Variants in TNFRSF1B observed in about 807,000 individuals in gnomAD.
TNFRSF1B encodes tumor necrosis factor receptor superfamily member 1B.
A neutral mutation model predicts 44.6 loss-of-function variants in TNFRSF1B; 19 were observed. The ratio of observed to expected loss-of-function variants is 0.43; its 90% CI spans 0.30 to 0.62. The LOEUF (loss-of-function observed/expected upper bound fraction) is 0.62, where lower values mean the gene tolerates loss of function less well. TNFRSF1B is among the 20% of genes least tolerant of loss of function. The pLI is 0.16. For synonymous variants in TNFRSF1B, 252 were observed against 261.1 expected (o/e 0.97, Z 0.34); for missense variants, 541 against 619.9 (o/e 0.87, Z 1.35).
chr1:12,206,166 T>C (rs1436892681), intron 9 of TNFRSF1B, among the ~76,000 whole-genome samples: 1 of 152,018 alleles, frequency 6.6e-6, no homozygotes, highest in Non-Finnish European at 1.5e-5. Context: ...GGTAGGCAGA[T>C]TCTTTGAGGT....
rs1257866582 is a variant in TNFRSF1B at position 12,168,175 on chromosome 1, CG to C, written c.78+1010del. On this transcript the variant is annotated intron_variant, in intron 1 of 9. Coordinates refer to ENST00000376259, the MANE Select transcript of TNFRSF1B (RefSeq NM_001066.3). This position sits in a 1 kb window ranked among gnomAD's most constrained non-coding sequence, Gnocchi z 4.7. ...CTTCGGCCCCTGTGCCCTGAGGCTG[CG>C]GGGAAGGTGGGCGTTCATCCTTCCT... Among the ~76,000 whole-genome samples, 1 of 152,224 alleles carries C rather than the reference CG, an allele frequency of 6.6e-6. No homozygotes were observed. The highest frequency in any genetic ancestry group is 2.4e-5 in the African/African-American group (1 of 41,460).
rs17883608 is a variant in TNFRSF1B, at chr1:12,193,735, G to A, written c.788-220G>A. Among the ~76,000 whole-genome samples the A allele has an allele frequency of 3.0e-3, 454 of 152,292 alleles. 1 individual carries two copies. The highest frequency in any genetic ancestry group is 6.8e-3 in the Middle Eastern group (2 of 294). On this transcript the variant is annotated intron_variant, in intron 6 of 9. Transcript: ENST00000376259. ...CACCTCCAGGGGCTTCCATTCTGGG[G>A]TAGAACTGCATCAGGCCAGAGGTCT...
intron 1 of TNFRSF1B, among the ~76,000 whole-genome samples, chr1:12,179,848 G>A (rs187025422): frequency 2.6e-3 from 392 of 152,292 alleles, no homozygotes; most frequent in Non-Finnish European, 4.4e-3. Context: ...ACCTCATTGC[G>A]TTAGTGCTAG....
At chr1:12,185,773 C>T (rs1330845967) in intron 1 of TNFRSF1B, among the ~76,000 whole-genome samples, 5 of 152,290 alleles carry the variant, frequency 3.3e-5, no homozygotes, top group Middle Eastern at 3.4e-3. Flanking sequence ...TAACCCAGCC[C>T]GTGGTTGAGA....
chr1:12,167,319 A>C lies in TNFRSF1B; in HGVS notation c.78+150A>C, dbSNP rs5745953. ...CCAGTCGCCGCCCCCCATCCGCATC[A>C]GACACGCGCGCCTCTGGGGACCCGC... On this transcript the variant is annotated intron_variant, in intron 1 of 9. Coordinates refer to ENST00000376259, the MANE Select transcript of TNFRSF1B (RefSeq NM_001066.3). 1.3e-3 allele frequency: 710 copies of C among 554,904 alleles called. 9 individuals carry two copies. In the African/African-American group the frequency reaches 0.013, roughly 10 times the overall value. The allele number at this position is 554,904 out of a possible 1,614,324, so 34.4% of individuals were successfully genotyped here.
At chr1:12,188,739 G>T in intron 1 of TNFRSF1B, 57 bp from the exon 2 acceptor site, 1 of 1,523,600 alleles carries the variant, frequency 6.6e-7, no homozygotes, top group Non-Finnish European at 9.1e-7. Context: ...TGGGCATCAG[G>T]CATGGCAGAA....
rs951492366 is a variant in TNFRSF1B at position 12,187,156 on chromosome 1, T to C, written c.79-1640T>C. On this transcript the variant is annotated intron_variant, in intron 1 of 9. Transcript: ENST00000376259. The surrounding 1 kb of genome is among the most constrained non-coding windows in gnomAD (Gnocchi z 5.5). ...TTTGCTTTTCTCTTTTCTCCCCTCTTTTTTTTTTTTTTTCGAGATGGAGTT... is the reference window on the plus strand; with the variant it reads ...TTTGCTTTTCTCTTTTCTCCCCTCTCTTTTTTTTTTTTTCGAGATGGAGTT... Among the ~76,000 whole-genome samples, 22 of 147,100 alleles carry C rather than the reference T, an allele frequency of 1.5e-4. No homozygotes were observed. Among genetic ancestry groups the C allele is most frequent in the Non-Finnish European group, 2.7e-4 (18 of 66,206 alleles).
In TNFRSF1B at chr1:12,169,959, G is replaced by T. The variant is rs1638485041; in HGVS notation, c.78+2790G>T. On this transcript the variant is annotated intron_variant, in intron 1 of 9. Transcript: ENST00000376259. This position sits in a 1 kb window ranked among gnomAD's most constrained non-coding sequence, Gnocchi z 4.5. ...GGGGCCAGTTTGGGTTAGGGGAGAG[G>T]TTGGGGGCTCCCAGGCTGGATGTCA... 6.6e-6 allele frequency among the ~76,000 whole-genome samples: 1 copy of T among 152,180 alleles called. No individual in the cohort carries two copies. Among genetic ancestry groups the T allele is most frequent in the African/African-American group, 2.4e-5 (1 of 41,444 alleles).
chr1:12,176,721 G>A (rs1484472913), intron 1 of TNFRSF1B, among the ~76,000 whole-genome samples: 1 of 152,224 alleles, frequency 6.6e-6, no homozygotes, highest in African/African-American at 2.4e-5. Context: ...TGGCCTCAGT[G>A]TGAAGCACAG....
chr1:12,195,034 G>T (rs1163953650), intron 8 of TNFRSF1B, among the ~76,000 whole-genome samples: 1 of 152,244 alleles, frequency 6.6e-6, no homozygotes, highest in Non-Finnish European at 1.5e-5. Flanking sequence ...CTTTCTCAGA[G>T]AGCAGTGGTT....
intron 9 of TNFRSF1B, 43 bp from the exon 10 acceptor site, chr1:12,206,697 C>T (rs767949672): frequency 6.6e-7 from 1 of 1,519,210 alleles, no homozygotes; most frequent in Non-Finnish European, 8.9e-7. Flanking sequence ...GGCCCCACTC[C>T]TGGACCCCCG....
chr1:12,167,768 C>T lies in TNFRSF1B; in HGVS notation c.78+599C>T, dbSNP rs565804119. 3.3e-5 allele frequency among the ~76,000 whole-genome samples: 5 copies of T among 152,288 alleles called. 1 individual carries two copies. The South Asian group carries it at 1.0e-3, about 32-fold the overall frequency. On this transcript the variant is annotated intron_variant, in intron 1 of 9. Transcript: ENST00000376259. Reference sequence around the variant, plus strand: ...GCCTGTCTGCTTCCTCCGATGCGTCCGGGGGCTACTGCAGAGTCTGTTTTC... The same window carrying T: ...GCCTGTCTGCTTCCTCCGATGCGTCTGGGGGCTACTGCAGAGTCTGTTTTC...
intron 3 of TNFRSF1B, among the ~76,000 whole-genome samples, chr1:12,191,508 A>C (rs1457840420): frequency 6.8e-6 from 1 of 147,224 alleles, no homozygotes; most frequent in Non-Finnish European, 1.5e-5. Flanking sequence ...TTCGGGGAGG[A>C]GCGGGACTGC....
At chr1:12,203,171 C>T (rs1378101888) in intron 9 of TNFRSF1B, among the ~76,000 whole-genome samples, 1 of 152,242 alleles carries the variant, frequency 6.6e-6, no homozygotes, top group Non-Finnish European at 1.5e-5. Context: ...AGTCTGAGAT[C>T]CTTGCCTGGC....
In TNFRSF1B at chr1:12,177,296, C is replaced by T. The variant is rs1428490575; in HGVS notation, c.78+10127C>T. On this transcript the variant is annotated intron_variant, in intron 1 of 9. Coordinates refer to ENST00000376259, the MANE Select transcript of TNFRSF1B (RefSeq NM_001066.3). This position sits in a 1 kb window ranked among gnomAD's most constrained non-coding sequence, Gnocchi z 4.3. ...TGCTGGGATTACAGGCGGGAGCCAC[C>T]GTGCCCGGCCCCAGTGGACTGATTC... Among the ~76,000 whole-genome samples the T allele has an allele frequency of 3.3e-5, 5 of 152,300 alleles. No individual in the cohort carries two copies. The highest frequency in any genetic ancestry group is 6.5e-5 in the Admixed American group (1 of 15,308).
chr1:12,206,909 G>C lies in TNFRSF1B; in HGVS notation c.1275G>C (p.Lys425Asn). The C allele has an allele frequency of 1.9e-6, 3 of 1,614,238 alleles. 1 individual carries two copies. The South Asian group carries it at 3.3e-5, about 18-fold the overall frequency. Reference protein sequence around the residue: ...SPKDEQVPFSKEECAFRSQLE... With the variant: ...SPKDEQVPFSNEECAFRSQLE... ...AGGACGAGCAGGTCCCCTTCTCCAA[G>C]GAGGAATGTGCCTTTCGGTCACAGC... The change falls in exon 10 of 10, where the codon AAG (lysine) becomes AAC (asparagine). Residue 425 changes from lysine (K) to asparagine (N), a missense_variant. Coordinates refer to ENST00000376259, the MANE Select transcript of TNFRSF1B (RefSeq NM_001066.3).
chr1:12,181,398 G>A (rs1204527629), intron 1 of TNFRSF1B, among the ~76,000 whole-genome samples: 1 of 152,110 alleles, frequency 6.6e-6, no homozygotes, highest in African/African-American at 2.4e-5. Flanking sequence ...ATGAACCCAA[G>A]TGAGGACCTC....
chr1:12,201,471 T>TA (rs79883375), intron 8 of TNFRSF1B, among the ~76,000 whole-genome samples: 23,803 of 126,534 alleles, frequency 0.19, 2,091 homozygotes, highest in South Asian at 0.26. Context: ...CTTTATAGAG[T>TA]AAAAAAAAAA....
At chr1:12,170,654 C>T (rs1053148966) in intron 1 of TNFRSF1B, among the ~76,000 whole-genome samples, 7 of 152,278 alleles carry the variant, frequency 4.6e-5, no homozygotes, top group East Asian at 1.9e-4. Flanking sequence ...CCCGACTCTA[C>T]ACCAACTCAC....
Sources: allele counts gnomAD v4.1 joint callset (sites outside exome capture counted in the v4.1 genomes callset), GRCh38; gene constraint gnomAD v4.1.1; non-coding constraint Gnocchi (gnomAD v3.1); transcripts MANE v1.5; gene names NCBI Gene and HGNC (gene_info 2026-07-23, HGNC 2026-07-21).